Variants in ABR observed in about 807,000 individuals in gnomAD.
ABR encodes the protein active breakpoint cluster region-related protein.
Under a neutral mutation model 107.2 loss-of-function variants are expected in ABR, and 35 were observed. The ratio of observed to expected loss-of-function variants is 0.33; its 90% CI spans 0.25 to 0.43. The LOEUF (loss-of-function observed/expected upper bound fraction) is 0.43, where lower values mean the gene tolerates loss of function less well. ABR is among the 20% of genes least tolerant of loss of function. ABR has a pLI of 1.00. For synonymous variants in ABR, 498 were observed against 462.0 expected (o/e 1.08, Z -1.00); for missense variants, 815 against 1,115.2 (o/e 0.73, Z 3.83).
intron 22 of ABR, among the ~76,000 whole-genome samples, chr17:1,006,836 G>A (rs2241927): frequency 4.8e-4 from 11 of 22,706 alleles, no homozygotes; most frequent in South Asian, 2.3e-3. Context: ...CGGTGCCAGG[G>A]TACCTGCGCC....
At chr17:1,098,657 C>A (rs2037653057) in intron 3 of ABR, among the ~76,000 whole-genome samples, 1 of 152,210 alleles carries the variant, frequency 6.6e-6, no homozygotes, top group African/African-American at 2.4e-5. Context: ...AATGGCAGGG[C>A]CAAGTCTTGC....
intron 1 of ABR, among the ~76,000 whole-genome samples, chr17:1,185,683 A>C (rs1032590622): frequency 2.7e-5 from 4 of 148,492 alleles, no homozygotes; most frequent in Non-Finnish European, 6.0e-5. Flanking sequence ...AAAAAAAAGA[A>C]GGTATGTGCC....
rs1287685252 is a variant in ABR, at chr17:1,004,564, C to G, written c.*1516G>C. ...GAGCCCCTGGAGCTGCATCTGCTCT[C>G]CTAGGCTGATGGCCCGAGGCTGGCA... is the stretch of plus-strand genomic sequence containing the variant. On this transcript the variant is annotated 3_prime_UTR_variant, in exon 23 of 23. Coordinates refer to ENST00000302538, the MANE Select transcript of ABR (RefSeq NM_021962.5). 2 of 153,574 alleles carry G rather than the reference C, an allele frequency of 1.3e-5. No homozygotes were observed. The highest frequency in any genetic ancestry group is 4.8e-5 in the African/African-American group (2 of 41,534). The allele number at this position is 153,574 out of a possible 1,614,324, so 9.5% of individuals were successfully genotyped here.
At chr17:1,029,118 C>A (rs1220417010) in intron 16 of ABR, among the ~76,000 whole-genome samples, 16 of 136,846 alleles carry the variant, frequency 1.2e-4, no homozygotes, top group East Asian at 6.4e-4. Context: ...AAAAAAAAAA[C>A]AAACAGGGAA....
In ABR at chr17:1,118,125, C is replaced by G. The variant is rs1198680137; in HGVS notation, c.246+7058G>C. Among the ~76,000 whole-genome samples the G allele has an allele frequency of 2.5e-4, 16 of 64,394 alleles. 1 individual carries two copies. Among genetic ancestry groups the G allele is most frequent in the Non-Finnish European group, 4.3e-4 (13 of 30,526 alleles). 42.2% of individuals were successfully genotyped at this position (64,394 alleles called of 152,430 possible). A position where few individuals can be genotyped will look rare whatever the true frequency, so the allele number is the denominator to read the frequency against. On this transcript the variant is annotated intron_variant, in intron 2 of 22. Coordinates refer to ENST00000302538, the MANE Select transcript of ABR (RefSeq NM_021962.5). Reference sequence around the variant, plus strand: ...AGTCCTCCCCAGCGTTATCCCTGAGCCTGAGTTCCCCCCAGCGTTATCCCT... The same window carrying G: ...AGTCCTCCCCAGCGTTATCCCTGAGGCTGAGTTCCCCCCAGCGTTATCCCT...
intron 16 of ABR, among the ~76,000 whole-genome samples, chr17:1,021,212 G>T (rs1484610297): frequency 2.0e-5 from 3 of 152,228 alleles, no homozygotes. Flanking sequence ...CACTCAGGAC[G>T]TGATCCAGGG....
At chr17:1,025,191 G>A (rs1282595369) in intron 16 of ABR, among the ~76,000 whole-genome samples, 2 of 149,998 alleles carry the variant, frequency 1.3e-5, no homozygotes, top group Non-Finnish European at 2.9e-5. Context: ...AGCTACTCAG[G>A]AGGCTGAGGC....
intron 21 of ABR, among the ~76,000 whole-genome samples, chr17:1,008,269 A>G (rs1390922797): frequency 1.3e-5 from 2 of 152,218 alleles, no homozygotes; most frequent in Non-Finnish European, 2.9e-5. Flanking sequence ...GTTCTCCTTC[A>G]GTCTCAAAAA....
Position 1,092,014 on chromosome 17 carries a change from C to T in ABR, c.346-164G>A, listed in dbSNP as rs115284885. Among the ~76,000 whole-genome samples the T allele has an allele frequency of 6.4e-3, 968 of 152,242 alleles. 10 individuals carry two copies. Among genetic ancestry groups the T allele is most frequent in the African/African-American group, 0.021 (892 of 41,536 alleles). On this transcript the variant is annotated intron_variant, in intron 3 of 22. Coordinates refer to ENST00000302538, the MANE Select transcript of ABR (RefSeq NM_021962.5). This position sits in a 1 kb window ranked among gnomAD's most constrained non-coding sequence, Gnocchi z 4.6. Reference sequence around the variant, plus strand: ...CGAGCTTTGTATCAAGGAGCCACTGCCACAGGCCCCAACAAGCCGCACACT... The same window carrying T: ...CGAGCTTTGTATCAAGGAGCCACTGTCACAGGCCCCAACAAGCCGCACACT...
chr17:1,198,722 G>A lies in ABR; in HGVS notation c.838+30071C>T, dbSNP rs560777703. On this transcript the variant is annotated intron_variant, in intron 1 of 22. Coordinates refer to the ABR transcript ENST00000574139. ...GCCATCTCGGCTCACTGCAAGCTCC[G>A]CCTCCCGGGTTCACGCCATTCTCCT... 3.3e-5 allele frequency among the ~76,000 whole-genome samples: 5 copies of A among 150,238 alleles called. No homozygotes were observed. The East Asian group carries it at 6.0e-4, about 18-fold the overall frequency.
chr17:1,120,607 C>T (rs1033836176), intron 2 of ABR, among the ~76,000 whole-genome samples: 5 of 152,198 alleles, frequency 3.3e-5, no homozygotes, highest in African/African-American at 9.7e-5. Flanking sequence ...TCGCCTCCAC[C>T]CTTATCTTTG....
chr17:1,056,624 T>G (rs1291468504), intron 13 of ABR, among the ~76,000 whole-genome samples: 1 of 152,062 alleles, frequency 6.6e-6, no homozygotes, highest in Non-Finnish European at 1.5e-5. Context: ...CAGCATGAAT[T>G]CCAAACTCCC....
intron 1 of ABR, among the ~76,000 whole-genome samples, chr17:1,142,517 G>A (rs1156690892): frequency 2.0e-5 from 3 of 151,814 alleles, no homozygotes; most frequent in Admixed American, 6.6e-5. Context: ...CCCGGGAGGC[G>A]GATGTTGCAG....
At chr17:1,171,455 C>G (rs1474476677) in intron 1 of ABR, among the ~76,000 whole-genome samples, 1 of 152,192 alleles carries the variant, frequency 6.6e-6, no homozygotes, top group East Asian at 1.9e-4. Context: ...GTCCAGCAGC[C>G]AAGCTGCCCG....
chr17:1,067,812 C>G (rs1381706022), intron 9 of ABR, among the ~76,000 whole-genome samples: 2 of 152,234 alleles, frequency 1.3e-5, no homozygotes, highest in East Asian at 3.8e-4. Context: ...TTAGTAATGT[C>G]TGCCATCGCA....
intron 16 of ABR, among the ~76,000 whole-genome samples, chr17:1,031,424 T>TGGGGGCGGA (rs2072738320): frequency 6.6e-6 from 1 of 151,856 alleles, no homozygotes; most frequent in African/African-American, 2.4e-5. Context: ...GCCCCAGCGT[T>TGGGGGCGGA]CGCCATCAAG....
chr17:1,050,434 G>A lies in ABR; in HGVS notation c.1659+103C>T. ...AGGAGCAGGGAGCAGAAAGGGGGGT[G>A]CAGACATAGCTGGTCCAACCAATGG... On this transcript the variant is annotated intron_variant, in intron 15 of 22. Coordinates refer to ENST00000302538, the MANE Select transcript of ABR (RefSeq NM_021962.5). The surrounding 1 kb of genome is among the most constrained non-coding windows in gnomAD (Gnocchi z 4.6). 2 of 1,137,956 alleles carry A rather than the reference G, an allele frequency of 1.8e-6. No individual in the cohort carries two copies. The highest frequency in any genetic ancestry group is 1.3e-6 in the Non-Finnish European group (1 of 755,874). 70.5% of individuals were successfully genotyped at this position (1,137,956 alleles called of 1,614,324 possible).
At position 1,043,779 on chromosome 17, in the gene ABR, A is replaced by G. The variant is rs1362301342; in HGVS notation, c.1791+6271T>C. Among the ~76,000 whole-genome samples, 7 of 152,200 alleles carry G rather than the reference A, an allele frequency of 4.6e-5. No homozygotes were observed. The East Asian group carries it at 1.4e-3, about 29-fold the overall frequency. ...CAGGGTCTTCAGCGCTGCTGTGCCC[A>G]GGGAGGGGCTGCCCTGGCAGGCACG... On this transcript the variant is annotated intron_variant, in intron 16 of 22. Coordinates refer to ENST00000302538, the MANE Select transcript of ABR (RefSeq NM_021962.5).
At chr17:1,091,914 C>T (rs1390314950) in intron 3 of ABR, 64 bp from the exon 4 acceptor site, 4 of 1,517,970 alleles carry the variant, frequency 2.6e-6, no homozygotes, top group Admixed American at 3.8e-5. Context: ...GTCGGCAGGC[C>T]CCGGGGCCGA....
Sources: gnomAD v4.1 joint callset for allele counts (sites outside exome capture counted in the v4.1 genomes callset) on GRCh38, gnomAD v4.1.1 for gene constraint, Gnocchi (gnomAD v3.1) non-coding constraint, MANE v1.5 for transcripts, NCBI Gene and HGNC (gene_info 2026-07-23, HGNC 2026-07-21) for gene names.